GFPT1: variants seen among roughly 807,000 people sequenced by gnomAD.
The protein encoded by GFPT1 is glutamine--fructose-6-phosphate aminotransferase [isomerizing] 1.
A neutral mutation model predicts 92.0 loss-of-function variants in GFPT1; 40 were observed. That is an observed-to-expected ratio of 0.43 (90% CI 0.34 to 0.57). GFPT1 has a LOEUF of 0.57. GFPT1 is among the 20% of genes least tolerant of loss of function. GFPT1 has a pLI of 0.02. For synonymous variants in GFPT1, 269 were observed against 280.6 expected, an observed-to-expected ratio of 0.96 and a Z score of 0.41; for missense variants, 448 against 869.1, an observed-to-expected ratio of 0.52 and a Z score of 6.09.
At chr2:69,357,560 A>G (rs1190433783) in intron 6 of GFPT1, among the ~76,000 whole-genome samples, 1 of 152,228 alleles carries the variant, frequency 6.6e-6, no homozygotes, top group Admixed American at 6.5e-5. Flanking sequence ...ATAGGCCTCT[A>G]CATTCTCCAT....
intron 1 of GFPT1, among the ~76,000 whole-genome samples, chr2:69,385,286 C>T (rs897965983): frequency 1.3e-5 from 2 of 152,054 alleles, no homozygotes; most frequent in East Asian, 3.8e-4. Flanking sequence ...ATTACAATGG[C>T]GCGATCCCGG....
chr2:69,327,976 G>A (rs1670571267), intron 18 of GFPT1, among the ~76,000 whole-genome samples: 1 of 151,256 alleles, frequency 6.6e-6, no homozygotes, highest in Non-Finnish European at 1.5e-5. Context: ...GAGTGTGCCT[G>A]TAATCCCAGC....
intron 1 of GFPT1, among the ~76,000 whole-genome samples, chr2:69,385,593 T>C (rs1672112180): frequency 6.6e-6 from 1 of 151,960 alleles, no homozygotes; most frequent in African/African-American, 2.4e-5. Context: ...TGGAACATGA[T>C]GAAATGACCT....
At chr2:69,363,456 AT>A in intron 4 of GFPT1, 88 bp downstream of exon 4, 2 of 1,350,068 alleles carry the variant, frequency 1.5e-6, no homozygotes, top group Non-Finnish European at 2.1e-6. Context: ...ATGAAAAATT[AT>A]TAAAATAATG....
intron 13 of GFPT1, among the ~76,000 whole-genome samples, chr2:69,339,993 A>C (rs1353251524): frequency 6.6e-6 from 1 of 152,142 alleles, no homozygotes; most frequent in Non-Finnish European, 1.5e-5. Flanking sequence ...CATTGGAATC[A>C]TATTCTTCAA....
intron 1 of GFPT1, among the ~76,000 whole-genome samples, chr2:69,380,835 A>T (rs533573766): frequency 7.9e-5 from 12 of 152,188 alleles, no homozygotes; most frequent in Non-Finnish European, 1.6e-4. Context: ...CGAACTGCTG[A>T]CCAATCCTAT....
intron 15 of GFPT1, among the ~76,000 whole-genome samples, chr2:69,336,123 G>A (rs1670787553): frequency 6.6e-6 from 1 of 151,554 alleles, no homozygotes; most frequent in South Asian, 2.1e-4. Context: ...CAGATCACTT[G>A]AGGTCAGGAG....
chr2:69,356,642 A>AT, intron 6 of GFPT1, 85 bp from the exon 7 acceptor site: 1 of 971,124 alleles, frequency 1.0e-6, no homozygotes, highest in Non-Finnish European at 1.7e-6. Context: ...CAGCGCAGAA[A>AT]TTTTTTGTTC....
At chr2:69,374,781 C>T (rs1671834021) in intron 1 of GFPT1, among the ~76,000 whole-genome samples, 1 of 152,058 alleles carries the variant, frequency 6.6e-6, no homozygotes, top group Admixed American at 6.5e-5. Flanking sequence ...TATATAGGCC[C>T]TAAAATCTGT....
intron 6 of GFPT1, among the ~76,000 whole-genome samples, chr2:69,357,521 C>T (rs1671367958): frequency 6.6e-6 from 1 of 152,214 alleles, no homozygotes; most frequent in Non-Finnish European, 1.5e-5. Flanking sequence ...AGGCACACTA[C>T]TCCACTCTGC....
At chr2:69,386,281 A>T (rs1672127067) in intron 1 of GFPT1, among the ~76,000 whole-genome samples, 1 of 152,224 alleles carries the variant, frequency 6.6e-6, no homozygotes, top group South Asian at 2.1e-4. Flanking sequence ...TATTTGCTCA[A>T]CTTTCCATAG....
intron 1 of GFPT1, among the ~76,000 whole-genome samples, chr2:69,377,432 C>T (rs1281440360): frequency 6.7e-6 from 1 of 148,168 alleles, no homozygotes; most frequent in Non-Finnish European, 1.5e-5. Flanking sequence ...GGGCGGATCA[C>T]GAGGTCAGGA....
At chr2:69,357,707 G>GT (rs1671374751) in intron 6 of GFPT1, among the ~76,000 whole-genome samples, 1 of 152,174 alleles carries the variant, frequency 6.6e-6, no homozygotes, top group African/African-American at 2.4e-5. Context: ...GGAAATGTAG[G>GT]TATCACTATG....
intron 15 of GFPT1, among the ~76,000 whole-genome samples, chr2:69,330,578 TAA>T (rs768965445): frequency 3.5e-4 from 46 of 130,488 alleles, no homozygotes; most frequent in Middle Eastern, 3.6e-3. Context: ...AAGTTTGCAT[TAA>T]AAAAAAAAAA....
At chr2:69,348,834 A>G (rs1011380491) in intron 10 of GFPT1, among the ~76,000 whole-genome samples, 4 of 152,190 alleles carry the variant, frequency 2.6e-5, no homozygotes, top group African/African-American at 9.7e-5. Context: ...ACCATTTGAC[A>G]GTTTCCCTTT....
chr2:69,387,085 C>A lies in GFPT1; in HGVS notation c.-14G>T. 1 of 1,536,890 alleles carries A rather than the reference C, an allele frequency of 6.5e-7. No individual in the cohort carries two copies. Among genetic ancestry groups the A allele is most frequent in the Non-Finnish European group, 8.7e-7 (1 of 1,146,560 alleles). ...CTTACCACACATGATGCCGGAGACA[C>A]GGCCCGCGAGGCCAGGGGCGAGTGG... On this transcript the variant is annotated 5_prime_UTR_variant, in exon 1 of 20. Transcript: ENST00000357308.
At chr2:69,354,219 G>T (rs964287467) in intron 9 of GFPT1, 40 bp downstream of exon 9, 12 of 1,368,868 alleles carry the variant, frequency 8.8e-6, no homozygotes, top group African/African-American at 7.1e-5. Context: ...AAACAAAAGA[G>T]GATAAGATCC....
chr2:69,341,833 C>T (rs1303165429), intron 13 of GFPT1, among the ~76,000 whole-genome samples: 3 of 152,192 alleles, frequency 2.0e-5, no homozygotes, highest in East Asian at 3.8e-4. Flanking sequence ...CAAAACCCAA[C>T]GATGGCTCTT....
chr2:69,386,449 A>C (rs1364737215), intron 1 of GFPT1, among the ~76,000 whole-genome samples: 1 of 152,190 alleles, frequency 6.6e-6, no homozygotes, highest in African/African-American at 2.4e-5. Context: ...ACCTATCGCC[A>C]CAGACATTTG....
Sources: allele counts gnomAD v4.1 joint callset (sites outside exome capture counted in the v4.1 genomes callset), GRCh38; gene constraint gnomAD v4.1.1; transcripts MANE v1.5; gene names NCBI Gene and HGNC (gene_info 2026-07-23, HGNC 2026-07-21).